DCPH1: variants seen among roughly 807,000 people sequenced by gnomAD.
The protein encoded by DCPH1 is damage-control phosphatase 1.
At chr6:151,454,342 G>T in the DCPH1 span, among the ~76,000 whole-genome samples, 2 of 152,204 alleles carry the variant, frequency 1.3e-5, no homozygotes, top group Admixed American at 1.3e-4. Context: ...GGGATTAGAG[G>T]CACCAAGACA....
the DCPH1 span, among the ~76,000 whole-genome samples, chr6:151,460,468 T>A: frequency 6.6e-6 from 1 of 151,482 alleles, no homozygotes; most frequent in Non-Finnish European, 1.5e-5. Flanking sequence ...GAACTTCTGA[T>A]CTAAAAGCAA....
At chr6:151,469,171 AAAGG>A in the DCPH1 span, 1 of 1,426,046 alleles carries the variant, frequency 7.0e-7, no homozygotes, top group South Asian at 1.4e-5. Context: ...CATCCCCAGA[AAAGG>A]AGCACGTGAA....
At chr6:151,465,513 A>G in the DCPH1 span, among the ~76,000 whole-genome samples, 1 of 152,176 alleles carries the variant, frequency 6.6e-6, no homozygotes, top group African/African-American at 2.4e-5. Flanking sequence ...AGGTGAGAAA[A>G]ATTGCAAGGA....
the DCPH1 span, among the ~76,000 whole-genome samples, chr6:151,461,194 G>A: frequency 2.0e-5 from 3 of 152,214 alleles, no homozygotes; most frequent in Non-Finnish European, 4.4e-5. Flanking sequence ...AGTGTTGAAA[G>A]ACTGGGTGGC....
chr6:151,462,243 C>T, the DCPH1 span, among the ~76,000 whole-genome samples: 1 of 152,020 alleles, frequency 6.6e-6, no homozygotes, highest in African/African-American at 2.4e-5. Context: ...GAAAAATGTG[C>T]ATGTCTTATG....
At chr6:151,466,916 CT>C in the DCPH1 span, among the ~76,000 whole-genome samples, 42 of 151,960 alleles carry the variant, frequency 2.8e-4, no homozygotes, top group Non-Finnish European at 5.0e-4. Context: ...TTATTTAAGC[CT>C]TTTTTTTAAA....
the DCPH1 span, among the ~76,000 whole-genome samples, chr6:151,456,893 G>C: frequency 6.6e-6 from 1 of 152,158 alleles, no homozygotes; most frequent in Non-Finnish European, 1.5e-5. Flanking sequence ...CTAGTATATT[G>C]CTACTTGGCC....
At chr6:151,457,693 A>G in the DCPH1 span, among the ~76,000 whole-genome samples, 1 of 152,234 alleles carries the variant, frequency 6.6e-6, no homozygotes, top group Non-Finnish European at 1.5e-5. Flanking sequence ...TCTTATAAAA[A>G]TACTCAGGCT....
At chr6:151,464,192 T>C in the DCPH1 span, among the ~76,000 whole-genome samples, 1 of 152,250 alleles carries the variant, frequency 6.6e-6, no homozygotes, top group African/African-American at 2.4e-5. Context: ...TAGATAATTA[T>C]GAGCATAGTC....
At chr6:151,466,144 C>G in the DCPH1 span, among the ~76,000 whole-genome samples, 5 of 152,216 alleles carry the variant, frequency 3.3e-5, no homozygotes, top group African/African-American at 1.2e-4. Flanking sequence ...GTCTTGAACT[C>G]CTGACCTCAG....
At chr6:151,452,635 C>A in the DCPH1 span, 1 of 1,581,100 alleles carries the variant, frequency 6.3e-7, no homozygotes, top group Non-Finnish European at 8.6e-7. Context: ...CCGGGCCTCG[C>A]CGGGAGCCTG....
At chr6:151,462,489 C>T in the DCPH1 span, among the ~76,000 whole-genome samples, 1 of 152,274 alleles carries the variant, frequency 6.6e-6, no homozygotes, top group East Asian at 1.9e-4. Context: ...GAGACTCATC[C>T]ATATGTTACA....
chr6:151,452,570 T>C, the DCPH1 span: 1 of 1,611,690 alleles, frequency 6.2e-7, no homozygotes, highest in Middle Eastern at 1.7e-4. Context: ...GGCGTCTCTC[T>C]CAGGACAGGA....
At chr6:151,456,037 G>A in the DCPH1 span, among the ~76,000 whole-genome samples, 1 of 152,224 alleles carries the variant, frequency 6.6e-6, no homozygotes, top group Non-Finnish European at 1.5e-5. Context: ...ACATGTTTCA[G>A]AGAGCACGGG....
chr6:151,462,749 C>G, the DCPH1 span, among the ~76,000 whole-genome samples: 2 of 151,994 alleles, frequency 1.3e-5, no homozygotes, highest in Non-Finnish European at 2.9e-5. Context: ...TTAGTAGATT[C>G]TAAAATAGAA....
chr6:151,467,406 C>A, the DCPH1 span, among the ~76,000 whole-genome samples: 60 of 152,124 alleles, frequency 3.9e-4, 2 homozygotes, highest in South Asian at 0.012. Flanking sequence ...GGAAATTAGC[C>A]TGGTCAACAT....
chr6:151,461,380 G>GT, the DCPH1 span, among the ~76,000 whole-genome samples: 2 of 148,332 alleles, frequency 1.3e-5, no homozygotes, highest in African/African-American at 2.5e-5. Flanking sequence ...TCAAAAATGC[G>GT]TATTTTTAGG....
chr6:151,457,183 G>A, the DCPH1 span, among the ~76,000 whole-genome samples: 44 of 152,118 alleles, frequency 2.9e-4, 1 homozygote, highest in Admixed American at 5.9e-4. Flanking sequence ...CCACCTCAGC[G>A]GTCAAACGTC....
chr6:151,466,163 C>T, the DCPH1 span, among the ~76,000 whole-genome samples: 1 of 152,198 alleles, frequency 6.6e-6, no homozygotes, highest in African/African-American at 2.4e-5. Flanking sequence ...AGGTGATCTG[C>T]CCACCTTGGC....
Sources: gnomAD v4.1 joint callset for allele counts (sites outside exome capture counted in the v4.1 genomes callset) on GRCh38, gnomAD v4.1.1 for gene constraint, MANE v1.5 for transcripts, NCBI Gene and HGNC (gene_info 2026-07-23, HGNC 2026-07-21) for gene names.